CBFA2T3: variants seen among roughly 807,000 people sequenced by gnomAD.
The protein encoded by CBFA2T3 is CBFA2/RUNX1 partner transcriptional co-repressor 3, also known as transcriptional corepressor CBFA2T3.
CBFA2T3 carries 31 observed loss-of-function variants against 58.6 expected under a neutral mutation model. The ratio of observed to expected loss-of-function variants is 0.53; its 90% CI spans 0.40 to 0.71. The LOEUF (loss-of-function observed/expected upper bound fraction) is 0.71, where lower values mean the gene tolerates loss of function less well. Ranked by LOEUF, CBFA2T3 falls within the 30% of genes least tolerant of loss-of-function variation. CBFA2T3 has a pLI of 0.00. For synonymous variants in CBFA2T3, 531 were observed against 421.9 expected (o/e 1.26, Z -3.17); for missense variants, 1,076 against 963.1 (o/e 1.12, Z -1.55).
chr16:88,951,598 TCCAGCTCGGGTCACAGA>T (rs1161525878), intron 1 of CBFA2T3: 10 of 362,416 alleles, frequency 2.8e-5, no homozygotes, highest in Admixed American at 1.9e-4. Flanking sequence ...GCTTCTCAGC[TCCAGCTCGGGTCACAGA>T]CCTGCTGCCA....
chr16:88,916,270 GTC>G (rs1282587414), intron 1 of CBFA2T3, among the ~76,000 whole-genome samples: 1 of 151,644 alleles, frequency 6.6e-6, no homozygotes, highest in Non-Finnish European at 1.5e-5. Flanking sequence ...GCATGGCTGT[GTC>G]TGTGTATATG....
intron 1 of CBFA2T3, among the ~76,000 whole-genome samples, chr16:88,929,160 A>G (rs1175026020): frequency 6.6e-6 from 1 of 152,218 alleles, no homozygotes; most frequent in African/African-American, 2.4e-5. Flanking sequence ...GTCAGAGAGC[A>G]GGTGCTGGAG....
chr16:88,877,414 G>T, intron 11 of CBFA2T3, 139 bp from the exon 12 acceptor site: 1 of 698,342 alleles, frequency 1.4e-6, no homozygotes, highest in Non-Finnish European at 2.3e-6. Context: ...ACAGCCCTCG[G>T]GCCATGCTCC....
intron 1 of CBFA2T3, among the ~76,000 whole-genome samples, chr16:88,963,378 T>G (rs1225862402): frequency 6.6e-6 from 1 of 151,978 alleles, no homozygotes; most frequent in African/African-American, 2.4e-5. Flanking sequence ...TTTTAAAAAT[T>G]TGTGATAAAC....
At chr16:88,963,293 G>A (rs942140092) in intron 1 of CBFA2T3, among the ~76,000 whole-genome samples, 4 of 151,638 alleles carry the variant, frequency 2.6e-5, no homozygotes, top group African/African-American at 7.3e-5. Context: ...TGCCAGGGGT[G>A]GGCGCTCATC....
intron 5 of CBFA2T3, among the ~76,000 whole-genome samples, chr16:88,890,458 C>T (rs145929209): frequency 6.6e-5 from 10 of 152,272 alleles, no homozygotes; most frequent in Non-Finnish European, 1.3e-4. Flanking sequence ...AGGCTGGGCC[C>T]GAAGGTGTGG....
chr16:88,894,840 G>A (rs1969823478), intron 3 of CBFA2T3, among the ~76,000 whole-genome samples: 1 of 152,260 alleles, frequency 6.6e-6, no homozygotes, highest in South Asian at 2.1e-4. Context: ...TGTGCGCCGA[G>A]GAGGAGGGGA....
chr16:88,945,418 G>T (rs1971876546), intron 1 of CBFA2T3, among the ~76,000 whole-genome samples: 1 of 152,220 alleles, frequency 6.6e-6, no homozygotes, highest in Non-Finnish European at 1.5e-5. Flanking sequence ...ACACATATCT[G>T]ATGAACAACT....
At position 88,899,499 on chromosome 16, in the gene CBFA2T3, C is replaced by T. The variant is rs555721952; in HGVS notation, c.305-1347G>A. On this transcript the variant is annotated intron_variant, in intron 2 of 11. Transcript: ENST00000268679. ...CTGGGACCTCACCCCAAAAACATGA[C>T]CCCAAGGCGGGCTGGGAGTGGAGGG... Among the ~76,000 whole-genome samples, 38 of 152,310 alleles carry T rather than the reference C, an allele frequency of 2.5e-4. No individual in the cohort carries two copies. The East Asian group carries it at 7.1e-3, about 29-fold the overall frequency.
intron 11 of CBFA2T3, among the ~76,000 whole-genome samples, chr16:88,878,846 T>C (rs745592026): frequency 1.3e-5 from 2 of 152,186 alleles, no homozygotes; most frequent in Non-Finnish European, 2.9e-5. Context: ...CTTGGGAGGC[T>C]GAGGCAGGAG....
At chr16:88,941,267 G>A in intron 1 of CBFA2T3, 2 of 706,062 alleles carry the variant, frequency 2.8e-6, no homozygotes, top group South Asian at 6.0e-5. Context: ...CCCGCCCGGG[G>A]CGGTCTCCGG....
chr16:88,877,453 C>T lies in CBFA2T3; in HGVS notation c.1663-178G>A, dbSNP rs115087175. Among the ~76,000 whole-genome samples, 1,224 of 152,276 alleles carry T rather than the reference C, an allele frequency of 8.0e-3. 16 individuals are homozygous for T. Among genetic ancestry groups the T allele is most frequent in the African/African-American group, 0.028 (1,154 of 41,544 alleles). On this transcript the variant is annotated intron_variant, in intron 11 of 11. Transcript: ENST00000268679. ...TACAGCCACTCACTGGGCCATTTTG[C>T]GGGACGGCATCCCACTACCGTGTCT... is the stretch of plus-strand genomic sequence containing the variant.
rs574064884 is a variant in CBFA2T3, at chr16:88,953,612, G to A, written c.151+23045C>T. Among the ~76,000 whole-genome samples, 8 of 152,324 alleles carry A rather than the reference G, an allele frequency of 5.3e-5. No homozygotes were observed. Among genetic ancestry groups the A allele is most frequent in the African/African-American group, 1.9e-4 (8 of 41,566 alleles). Reference sequence around the variant, plus strand: ...TCCCGGCTGGGGACAGTGCCAGCAGGAGTGGCCGGGACGATGACGAGGTGA... The same window carrying A: ...TCCCGGCTGGGGACAGTGCCAGCAGAAGTGGCCGGGACGATGACGAGGTGA... On this transcript the variant is annotated intron_variant, in intron 1 of 11. Transcript: ENST00000268679. This position sits in a 1 kb window ranked among gnomAD's most constrained non-coding sequence, Gnocchi z 4.9.
chr16:88,931,934 G>A (rs1971321286), intron 1 of CBFA2T3, among the ~76,000 whole-genome samples: 1 of 152,106 alleles, frequency 6.6e-6, no homozygotes, highest in African/African-American at 2.4e-5. Flanking sequence ...CATTCTCTGA[G>A]GCTGGCTGTG....
At chr16:88,883,789 C>G (rs992281303) in intron 7 of CBFA2T3, 10 of 152,308 alleles carry the variant, frequency 6.6e-5, no homozygotes, top group African/African-American at 2.4e-4. Flanking sequence ...CCACGGGAGA[C>G]GTGAGTGACG....
intron 3 of CBFA2T3, among the ~76,000 whole-genome samples, chr16:88,894,556 GCACA>G (rs771054339): frequency 1.5e-5 from 2 of 134,740 alleles, no homozygotes; most frequent in Admixed American, 1.5e-4. Flanking sequence ...GTACACACAT[GCACA>G]CACACATGCA....
chr16:88,943,680 T>C (rs1971822397), intron 1 of CBFA2T3, among the ~76,000 whole-genome samples: 1 of 152,158 alleles, frequency 6.6e-6, no homozygotes, highest in African/African-American at 2.4e-5. Context: ...CCCCGTGCTG[T>C]GCGGATGCTC....
intron 4 of CBFA2T3, 26 bp from the exon 5 acceptor site, chr16:88,891,997 A>C (rs1327285375): frequency 3.2e-6 from 5 of 1,579,238 alleles, no homozygotes; most frequent in Non-Finnish European, 4.3e-6. Context: ...CCCACCTCAC[A>C]TCAGCACCGC....
chr16:88,963,085 T>C (rs1231797700), intron 1 of CBFA2T3, among the ~76,000 whole-genome samples: 1 of 152,080 alleles, frequency 6.6e-6, no homozygotes. Flanking sequence ...GATGCGTAGC[T>C]GGGCCTGGCA....
Sources: allele counts gnomAD v4.1 joint callset (sites outside exome capture counted in the v4.1 genomes callset), GRCh38; gene constraint gnomAD v4.1.1; non-coding constraint Gnocchi (gnomAD v3.1); transcripts MANE v1.5; gene names NCBI Gene and HGNC (gene_info 2026-07-23, HGNC 2026-07-21).